The following CAB39L variants were observed in gnomAD, a reference collection of about 807,000 sequenced individuals.
The protein encoded by CAB39L is calcium binding protein 39 like, also known as calcium-binding protein 39-like.
Under a neutral mutation model 39.1 loss-of-function variants are expected in CAB39L, and 23 were observed. The observed-to-expected ratio is 0.59, with a 90% CI of 0.42 to 0.83. The LOEUF is 0.83. Among genes scored for constraint, CAB39L ranks in the 40% least tolerant of loss-of-function variants. The pLI, the probability that CAB39L is intolerant of heterozygous loss-of-function variation, is 0.00. For missense variants in CAB39L, 366 were observed against 391.9 expected, an observed-to-expected ratio of 0.93 and a Z score of 0.56; for synonymous variants, 126 against 137.2, an observed-to-expected ratio of 0.92 and a Z score of 0.57.
rs186108220 is a variant in CAB39L, at chr13:49,402,159, C to G, written c.-31-19218G>C. ...GCTGTTGGAAAGAAGGTTTTTTTTC[C>G]CCCTAAACATTACCGGTCAGAATGC... is the stretch of plus-strand genomic sequence containing the variant. On this transcript the variant is annotated intron_variant, in intron 3 of 10. Coordinates refer to ENST00000409308, the MANE Select transcript of CAB39L (RefSeq NM_001079670.3). Among the ~76,000 whole-genome samples the G allele has an allele frequency of 1.7e-3, 264 of 151,776 alleles. 1 individual carries two copies. The highest frequency in any genetic ancestry group is 6.1e-3 in the African/African-American group (252 of 41,398).
intron 10 of CAB39L, among the ~76,000 whole-genome samples, chr13:49,321,027 A>G (rs1036248718): frequency 3.3e-5 from 5 of 152,318 alleles, no homozygotes; most frequent in Admixed American, 6.5e-5. Context: ...AAAAACCTCT[A>G]GAATCTCCTG....
At chr13:49,443,916 CGCTAT>C in intron 1 of CAB39L, 65 bp downstream of exon 1, 1 of 456,736 alleles carries the variant, frequency 2.2e-6, no homozygotes, top group Non-Finnish European at 4.4e-6. Flanking sequence ...TACGGCCAGG[CGCTAT>C]GTATGTTTTC....
chr13:49,374,545 TCTC>T (rs905107918), intron 5 of CAB39L, among the ~76,000 whole-genome samples: 1 of 152,206 alleles, frequency 6.6e-6, no homozygotes, highest in African/African-American at 2.4e-5. Context: ...ATGAACTTCT[TCTC>T]AAAATTTTTA....
intron 3 of CAB39L, among the ~76,000 whole-genome samples, chr13:49,390,913 G>GAA (rs1279192440): frequency 9.8e-6 from 1 of 102,486 alleles, no homozygotes; most frequent in African/African-American, 5.2e-5. Context: ...TAAAGGAAAA[G>GAA]AAAAAAACAG....
chr13:49,412,566 A>C (rs1957010276), intron 3 of CAB39L, among the ~76,000 whole-genome samples: 1 of 152,058 alleles, frequency 6.6e-6, no homozygotes, highest in Admixed American at 6.6e-5. Flanking sequence ...TGGCCTTTGG[A>C]TATGCATTGG....
chr13:49,414,028 C>T (rs1457005234), intron 3 of CAB39L: 1 of 152,192 alleles, frequency 6.6e-6, no homozygotes, highest in African/African-American at 2.4e-5. Context: ...ATTTAACAAC[C>T]GTCTCCAAAT....
chr13:49,382,744 T>C lies in CAB39L; in HGVS notation c.111+56A>G, dbSNP rs1019895019. 9.6e-6 allele frequency: 10 copies of C among 1,045,582 alleles called. No homozygotes were observed. In the African/African-American group the frequency reaches 1.6e-4, roughly 17 times the overall value. 64.8% of individuals were successfully genotyped at this position (1,045,582 alleles called of 1,614,324 possible). ...ATTCTTCATTAAGCTTTTACATTGG[T>C]TTTTGGCATTGCGATGCATGTACTT... On this transcript the variant is annotated intron_variant, in intron 4 of 10. Transcript: ENST00000409308.
At chr13:49,334,607 G>A (rs934707675) in intron 9 of CAB39L, among the ~76,000 whole-genome samples, 1 of 152,288 alleles carries the variant, frequency 6.6e-6, no homozygotes, top group East Asian at 1.9e-4. Context: ...GTAGTGCAGA[G>A]TTATTTGTGA....
intron 3 of CAB39L, among the ~76,000 whole-genome samples, chr13:49,424,582 A>C (rs1957217295): frequency 6.6e-6 from 1 of 152,242 alleles, no homozygotes; most frequent in Non-Finnish European, 1.5e-5. Flanking sequence ...AAAATGTATC[A>C]GTATTAGTTC....
chr13:49,391,582 T>C (rs1269047510), intron 3 of CAB39L, among the ~76,000 whole-genome samples: 1 of 152,182 alleles, frequency 6.6e-6, no homozygotes, highest in Non-Finnish European at 1.5e-5. Flanking sequence ...ATAGAAATAA[T>C]GATTAAATCA....
At chr13:49,344,986 T>C (rs1296635064) in intron 7 of CAB39L, among the ~76,000 whole-genome samples, 1 of 152,164 alleles carries the variant, frequency 6.6e-6, no homozygotes, top group African/African-American at 2.4e-5. Context: ...TGCAGAAAAC[T>C]GAACAAAGCA....
At chr13:49,430,042 T>C (rs1957297141) in intron 3 of CAB39L, among the ~76,000 whole-genome samples, 1 of 152,186 alleles carries the variant, frequency 6.6e-6, no homozygotes, top group Non-Finnish European at 1.5e-5. Context: ...CTCTTCAGTG[T>C]TTTGTTTTGT....
rs116897021 is a variant in CAB39L, at chr13:49,324,396, T to C, written c.834+7551A>G. Reference sequence around the variant, plus strand: ...ATTAATTTACTTACTCAGACATTAATTAAATATTTAAATAGCCACTATGTG... The same window carrying C: ...ATTAATTTACTTACTCAGACATTAACTAAATATTTAAATAGCCACTATGTG... On this transcript the variant is annotated intron_variant, in intron 10 of 10. Coordinates refer to ENST00000409308, the MANE Select transcript of CAB39L (RefSeq NM_001079670.3). Among the ~76,000 whole-genome samples, 1,450 of 152,188 alleles carry C rather than the reference T, an allele frequency of 9.5e-3. 13 individuals are homozygous for C. Among genetic ancestry groups the C allele is most frequent in the Non-Finnish European group, 0.016 (1,083 of 67,990 alleles).
At chr13:49,387,078 T>C (rs1390384280) in intron 3 of CAB39L, among the ~76,000 whole-genome samples, 1 of 152,230 alleles carries the variant, frequency 6.6e-6, no homozygotes, top group Non-Finnish European at 1.5e-5. Context: ...ATCTGCTGTA[T>C]GATTCAAAAG....
At chr13:49,363,237 G>T (rs1566090988) in intron 5 of CAB39L, among the ~76,000 whole-genome samples, 2 of 152,142 alleles carry the variant, frequency 1.3e-5, no homozygotes, top group African/African-American at 4.8e-5. Flanking sequence ...AACTACTCTT[G>T]TCTTAAGGAG....
At chr13:49,418,769 C>T (rs1221447657) in intron 3 of CAB39L, among the ~76,000 whole-genome samples, 2 of 151,942 alleles carry the variant, frequency 1.3e-5, no homozygotes, top group Non-Finnish European at 2.9e-5. Context: ...CCATGTTGGC[C>T]AGGCTGGTCT....
Position 49,331,813 on chromosome 13 carries a change from A to G in CAB39L, c.834+134T>C. The G allele has an allele frequency of 1.1e-5, 9 of 806,668 alleles. No homozygotes were observed. The South Asian group carries it at 1.3e-4, about 12-fold the overall frequency. 50.0% of individuals were successfully genotyped at this position (806,668 alleles called of 1,614,324 possible). A position where few individuals can be genotyped will look rare whatever the true frequency, so the allele number is the denominator to read the frequency against. ...TAAGATAACTCTGAAATTTCATCTA[A>G]ATCATGCAAAACACAAAGACTGCCT... On this transcript the variant is annotated intron_variant, in intron 10 of 10. Transcript: ENST00000409308.
intron 3 of CAB39L, among the ~76,000 whole-genome samples, chr13:49,406,426 T>C (rs1956880513): frequency 6.7e-6 from 1 of 148,866 alleles, no homozygotes; most frequent in Admixed American, 6.8e-5. Flanking sequence ...TTGATCCGCC[T>C]ACCTCGGCCT....
At chr13:49,313,638 G>C (rs1203735655) in intron 10 of CAB39L, among the ~76,000 whole-genome samples, 3 of 152,152 alleles carry the variant, frequency 2.0e-5, no homozygotes, top group African/African-American at 7.2e-5. Context: ...ATACTGACTG[G>C]TGCACTATTT....
Sources: allele counts gnomAD v4.1 joint callset (sites outside exome capture counted in the v4.1 genomes callset), GRCh38; gene constraint gnomAD v4.1.1; transcripts MANE v1.5; gene names NCBI Gene and HGNC (gene_info 2026-07-23, HGNC 2026-07-21).